The following HDAC8 variants were observed in gnomAD, a reference collection of about 807,000 sequenced individuals.
HDAC8 encodes the protein histone deacetylase-like 1.
A neutral mutation model predicts 32.2 loss-of-function variants in HDAC8; 1 was observed. That is an observed-to-expected ratio of 0.03 (90% CI 0.01 to 0.15). The LOEUF (loss-of-function observed/expected upper bound fraction) is 0.15. Ranked by LOEUF, HDAC8 falls within the 10% of genes least tolerant of loss-of-function variation. The pLI is 1.00. For missense variants in HDAC8, 117 were observed against 300.0 expected (o/e 0.39, Z 4.51); for synonymous variants, 108 against 113.9 (o/e 0.95, Z 0.33).
chrX:72,384,327 T>C (rs2147831410), intron 9 of HDAC8, among the ~76,000 whole-genome samples: 1 of 112,412 alleles, frequency 8.9e-6, no homozygotes, highest in African/African-American at 3.2e-5. Flanking sequence ...CAAACACCTC[T>C]CTAGCTGCAT....
intron 2 of HDAC8, among the ~76,000 whole-genome samples, chrX:72,569,935 G>A (rs1327192905): frequency 8.9e-6 from 1 of 112,265 alleles, no homozygotes; most frequent in Non-Finnish European, 1.9e-5. Context: ...ACATTTTAAG[G>A]TGATTCATAT....
At chrX:72,390,119 CATT>C (rs1157791551) in intron 9 of HDAC8, among the ~76,000 whole-genome samples, 1 of 111,055 alleles carries the variant, frequency 9.0e-6, no homozygotes, top group Non-Finnish European at 1.9e-5. Flanking sequence ...TGTAATATCA[CATT>C]AGGGTAAATG....
intron 9 of HDAC8, among the ~76,000 whole-genome samples, chrX:72,433,350 G>A (rs1602808488): frequency 8.9e-6 from 1 of 111,846 alleles, no homozygotes; most frequent in East Asian, 2.8e-4. Context: ...TACCAGAAAA[G>A]CCAATAGTGC....
intron 9 of HDAC8, among the ~76,000 whole-genome samples, chrX:72,452,374 T>G (rs1013301171): frequency 5.3e-5 from 6 of 112,276 alleles, no homozygotes; most frequent in African/African-American, 1.9e-4. Flanking sequence ...GAGAATTGCT[T>G]GCACCTGGGA....
chrX:72,375,930 A>G (rs1161399683), intron 9 of HDAC8, among the ~76,000 whole-genome samples: 1 of 111,869 alleles, frequency 8.9e-6, no homozygotes, highest in East Asian at 2.8e-4. Context: ...TTATTAATTC[A>G]ATCTATTTTA....
chrX:72,408,442 T>C (rs782107405), intron 9 of HDAC8, among the ~76,000 whole-genome samples: 1 of 111,467 alleles, frequency 9.0e-6, no homozygotes, highest in African/African-American at 3.3e-5. Context: ...AGTCTCGTTC[T>C]GTCGCCCAGG....
At chrX:72,430,093 G>A (rs2046768441) in intron 9 of HDAC8, among the ~76,000 whole-genome samples, 1 of 112,270 alleles carries the variant, frequency 8.9e-6, no homozygotes, top group Non-Finnish European at 1.9e-5. Flanking sequence ...TCCAGACATT[G>A]ACTTCTTTCC....
At chrX:72,530,868 A>T (rs1157202322) in intron 4 of HDAC8, among the ~76,000 whole-genome samples, 1 of 112,517 alleles carries the variant, frequency 8.9e-6, no homozygotes, top group African/African-American at 3.2e-5. Context: ...ATAACATAAC[A>T]TGATATGCTA....
intron 10 of HDAC8, among the ~76,000 whole-genome samples, chrX:72,345,807 A>G (rs782750427): frequency 9.0e-6 from 1 of 110,542 alleles, no homozygotes; most frequent in Non-Finnish European, 1.9e-5. Context: ...TCAGCTTCCA[A>G]TGTAGCTGGT....
chrX:72,446,187 A>T (rs1555984695), intron 9 of HDAC8, among the ~76,000 whole-genome samples: 1 of 112,437 alleles, frequency 8.9e-6, no homozygotes, highest in African/African-American at 3.2e-5. Context: ...ATTACTGGGT[A>T]TATACCCAAA....
intron 7 of HDAC8, among the ~76,000 whole-genome samples, chrX:72,488,461 T>C (rs782058285): frequency 9.0e-6 from 1 of 111,668 alleles, no homozygotes; most frequent in Non-Finnish European, 1.9e-5. Context: ...AAAGAACAGG[T>C]ATCTGACTCC....
At chrX:72,475,388 T>G (rs377036223) in intron 7 of HDAC8, among the ~76,000 whole-genome samples, 1 of 112,050 alleles carries the variant, frequency 8.9e-6, no homozygotes, top group Admixed American at 9.5e-5. Flanking sequence ...AGAGGCAGAC[T>G]GTGTTAAGGA....
chrX:72,342,068 A>G (rs2043901346), intron 10 of HDAC8, among the ~76,000 whole-genome samples: 2 of 112,424 alleles, frequency 1.8e-5, no homozygotes, highest in South Asian at 3.7e-4. Context: ...GCCAATGGGC[A>G]AGCAGGACTA....
chrX:72,395,010 A>G (rs952471490), intron 9 of HDAC8, among the ~76,000 whole-genome samples: 1 of 111,374 alleles, frequency 9.0e-6, no homozygotes. Context: ...ACAGTGACTC[A>G]CCCAGAGTAA....
At chrX:72,440,542 G>T (rs1323826341) in intron 9 of HDAC8, among the ~76,000 whole-genome samples, 1 of 112,104 alleles carries the variant, frequency 8.9e-6, no homozygotes, top group Non-Finnish European at 1.9e-5. Context: ...TCCATGAGCT[G>T]GTTTTTTGAA....
chrX:72,362,205 A>G (rs2044572931), intron 9 of HDAC8, among the ~76,000 whole-genome samples: 1 of 111,005 alleles, frequency 9.0e-6, no homozygotes, highest in African/African-American at 3.3e-5. Flanking sequence ...TGCTCTCCCC[A>G]TGGTAATCAG....
intron 4 of HDAC8, among the ~76,000 whole-genome samples, chrX:72,560,159 G>A (rs1284860366): frequency 8.0e-5 from 9 of 112,348 alleles, no homozygotes; most frequent in Non-Finnish European, 1.7e-4. Flanking sequence ...AAATCAGATT[G>A]TTGCTGTGTC....
intron 9 of HDAC8, among the ~76,000 whole-genome samples, chrX:72,448,236 T>A (rs1231667493): frequency 9.0e-6 from 1 of 111,410 alleles, no homozygotes; most frequent in Non-Finnish European, 1.9e-5. Flanking sequence ...CCAAAACAGA[T>A]ATACAGACCA....
intron 9 of HDAC8, among the ~76,000 whole-genome samples, chrX:72,419,718 T>C (rs1226076290): frequency 9.0e-6 from 1 of 111,542 alleles, no homozygotes; most frequent in African/African-American, 3.2e-5. Context: ...CATTCACCAT[T>C]GAGTATGACA....
Sources: allele counts gnomAD v4.1 joint callset (sites outside exome capture counted in the v4.1 genomes callset), GRCh38; gene constraint gnomAD v4.1.1; transcripts MANE v1.5; gene names NCBI Gene and HGNC (gene_info 2026-07-23, HGNC 2026-07-21).